RBFOX1: variants seen among roughly 807,000 people sequenced by gnomAD.
The protein encoded by RBFOX1 is RNA binding fox-1 homolog 1, also known as RNA binding protein fox-1 homolog 1.
A neutral mutation model predicts 57.7 loss-of-function variants in RBFOX1; 8 were observed. That is an observed-to-expected ratio of 0.14 (90% confidence interval 0.08 to 0.25). RBFOX1 has a LOEUF of 0.25. Among genes scored for constraint, RBFOX1 ranks in the 10% least tolerant of loss-of-function variants. RBFOX1 has a pLI of 1.00. For missense variants in RBFOX1, 611 were observed against 548.5 expected (o/e 1.11, Z -1.14); for synonymous variants, 326 against 222.4 (o/e 1.47, Z -4.15).
intron 4 of RBFOX1, among the ~76,000 whole-genome samples, chr16:7,211,527 C>G (rs918714263): frequency 7.9e-5 from 12 of 151,946 alleles, no homozygotes; most frequent in African/African-American, 2.9e-4. Flanking sequence ...ATTAAAAACT[C>G]CAAGGAGTAT....
intron 3 of RBFOX1, among the ~76,000 whole-genome samples, chr16:6,867,963 A>T (rs2060225440): frequency 6.6e-6 from 1 of 152,186 alleles, no homozygotes; most frequent in Admixed American, 6.5e-5. Flanking sequence ...ACAAATTGGC[A>T]GTTGAATTTT....
chr16:6,681,636 C>T (rs910911010), intron 3 of RBFOX1, among the ~76,000 whole-genome samples: 8 of 147,626 alleles, frequency 5.4e-5, no homozygotes, highest in Non-Finnish European at 1.0e-4. Flanking sequence ...AACATATAAT[C>T]ACAATTGCCC....
At chr16:6,854,885 C>T (rs908427836) in intron 3 of RBFOX1, among the ~76,000 whole-genome samples, 2 of 151,970 alleles carry the variant, frequency 1.3e-5, no homozygotes, top group Non-Finnish European at 2.9e-5. Flanking sequence ...TGAGCCACCG[C>T]GCCCAGCCGA....
chr16:7,346,083 T>C (rs1252071171), intron 4 of RBFOX1, among the ~76,000 whole-genome samples: 2 of 151,864 alleles, frequency 1.3e-5, no homozygotes, highest in Non-Finnish European at 3.0e-5. Flanking sequence ...CGGTGTTTGG[T>C]TTTTTGTCCT....
chr16:7,544,085 A>C (rs774883799), intron 5 of RBFOX1, among the ~76,000 whole-genome samples: 5 of 152,190 alleles, frequency 3.3e-5, no homozygotes, highest in Non-Finnish European at 7.3e-5. Flanking sequence ...GTGAGAGAGA[A>C]TCCTCATTCT....
chr16:5,764,745 C>G (rs75503767), intron 3 of RBFOX1, among the ~76,000 whole-genome samples: 2,975 of 152,258 alleles, frequency 0.02, 44 homozygotes, highest in South Asian at 0.039. Context: ...CTCCATCCTT[C>G]AAGTAAGGTG....
chr16:6,021,049 T>G (rs949636169), intron 1 of RBFOX1, among the ~76,000 whole-genome samples: 33 of 152,184 alleles, frequency 2.2e-4, no homozygotes, highest in Non-Finnish European at 4.4e-4. Context: ...ACTGAAGAGC[T>G]TGGAAATCCT....
chr16:7,178,914 T>C (rs1157005033), intron 4 of RBFOX1, among the ~76,000 whole-genome samples: 1 of 152,172 alleles, frequency 6.6e-6, no homozygotes, highest in African/African-American at 2.4e-5. Context: ...GTTAACAAGA[T>C]CGTAAATAAT....
At chr16:6,043,271 T>A (rs1160514775) in intron 1 of RBFOX1, among the ~76,000 whole-genome samples, 1 of 151,578 alleles carries the variant, frequency 6.6e-6, no homozygotes, top group Non-Finnish European at 1.5e-5. Flanking sequence ...TCTTAAAAGG[T>A]GTCCGTCTCC....
At chr16:5,537,868 A>T (rs779637863) in intron 2 of RBFOX1, among the ~76,000 whole-genome samples, 26 of 152,218 alleles carry the variant, frequency 1.7e-4, no homozygotes, top group South Asian at 2.1e-4. Flanking sequence ...TTGCCACATA[A>T]GGTAACATGT....
intron 2 of RBFOX1, among the ~76,000 whole-genome samples, chr16:6,385,691 T>C (rs79449993): frequency 0.067 from 10,273 of 152,256 alleles, 491 homozygotes; most frequent in Middle Eastern, 0.2. Context: ...TTTCTAACAC[T>C]ATTGGGAGAA....
intron 4 of RBFOX1, among the ~76,000 whole-genome samples, chr16:5,989,529 G>T (rs1218477796): frequency 6.6e-6 from 1 of 152,078 alleles, no homozygotes; most frequent in Non-Finnish European, 1.5e-5. Context: ...GGATTTAGGG[G>T]CAAGAACCTG....
chr16:5,815,292 C>T (rs1056257218), intron 3 of RBFOX1, among the ~76,000 whole-genome samples: 7 of 151,210 alleles, frequency 4.6e-5, no homozygotes, highest in Admixed American at 4.0e-4. Flanking sequence ...TCGTGCCTGG[C>T]CTGATTTCCT....
chr16:7,407,162 C>G (rs1332307933), intron 4 of RBFOX1, among the ~76,000 whole-genome samples: 2 of 152,130 alleles, frequency 1.3e-5, no homozygotes, highest in Non-Finnish European at 2.9e-5. Context: ...GTGCCCATCA[C>G]CAGAGCAGTA....
rs112496896 is a variant in RBFOX1, at chr16:6,256,838, C to G, written c.-126-60157C>G. ...TGAGAAACTCTCATTTAGGAAGATA[C>G]TGCTAAGAGCAGTATGTGGGATGGA... On this transcript the variant is annotated intron_variant, in intron 1 of 15. Coordinates refer to ENST00000550418, the MANE Select transcript of RBFOX1 (RefSeq NM_018723.4). Among the ~76,000 whole-genome samples the G allele has an allele frequency of 1.3e-3, 197 of 152,178 alleles. 1 individual carries two copies. Among genetic ancestry groups the G allele is most frequent in the African/African-American group, 4.1e-3 (172 of 41,534 alleles).
chr16:6,654,705 T>G (rs926877354), intron 3 of RBFOX1, 55 bp downstream of exon 3: 45 of 1,382,680 alleles, frequency 3.3e-5, no homozygotes, highest in Non-Finnish European at 4.2e-5. Context: ...ACTCTGTGAA[T>G]TGAACCCAGG....
chr16:5,511,653 A>G (rs1374954743), intron 2 of RBFOX1, among the ~76,000 whole-genome samples: 1 of 152,188 alleles, frequency 6.6e-6, no homozygotes, highest in Admixed American at 6.5e-5. Context: ...ATTTTATAGA[A>G]GAAGAATCAG....
chr16:6,659,717 C>G (rs1403223240), intron 3 of RBFOX1, among the ~76,000 whole-genome samples: 2 of 152,126 alleles, frequency 1.3e-5, no homozygotes, highest in South Asian at 2.1e-4. Context: ...GCAGCTCTAG[C>G]TGGTTCACAG....
chr16:5,529,651 C>A (rs932298036), intron 2 of RBFOX1, among the ~76,000 whole-genome samples: 2 of 151,818 alleles, frequency 1.3e-5, no homozygotes, highest in Admixed American at 6.6e-5. Context: ...ACTGCAATCT[C>A]CACCTCCCGG....
Sources: gnomAD v4.1 joint callset for allele counts (sites outside exome capture counted in the v4.1 genomes callset) on GRCh38, gnomAD v4.1.1 for gene constraint, MANE v1.5 for transcripts, NCBI Gene and HGNC (gene_info 2026-07-23, HGNC 2026-07-21) for gene names.